The following MRPL48 variants were observed in gnomAD, a reference collection of about 807,000 sequenced individuals.
MRPL48 encodes the protein large ribosomal subunit protein mL48.
Under a neutral mutation model 32.9 loss-of-function variants are expected in MRPL48, and 16 were observed. The observed-to-expected ratio is 0.49, with a 90% CI of 0.33 to 0.74. The LOEUF is 0.74. MRPL48 is among the 30% of genes least tolerant of loss of function. The probability of loss-of-function intolerance (pLI) is 0.02; values close to 1 mark genes in which losing one functional copy is unlikely to be tolerated. For missense variants in MRPL48, 206 were observed against 245.3 expected (o/e 0.84, Z 1.07); for synonymous variants, 94 against 89.2 (o/e 1.05, Z -0.31).
At chr11:73,840,313 A>G (rs1234217383) in intron 4 of MRPL48, among the ~76,000 whole-genome samples, 1 of 152,078 alleles carries the variant, frequency 6.6e-6, no homozygotes, top group African/African-American at 2.4e-5. Context: ...TGCAACGTGG[A>G]AAAACCTTGT....
At chr11:73,861,107 G>C (rs1948578344) in intron 6 of MRPL48, among the ~76,000 whole-genome samples, 1 of 152,072 alleles carries the variant, frequency 6.6e-6, no homozygotes, top group Non-Finnish European at 1.5e-5. Flanking sequence ...GAACATATCA[G>C]CAAGGTAATA....
chr11:73,797,577 C>T lies in MRPL48; in HGVS notation c.22-7450C>T, dbSNP rs114591149. ...AAAGCTGCTTGTGGTGCACCTGGTC[C>T]GGCCTCGCAGAGAGCCAGTGCCTGT... On this transcript the variant is annotated intron_variant, in intron 1 of 7. Coordinates refer to ENST00000310614, the MANE Select transcript of MRPL48 (RefSeq NM_016055.6). Among the ~76,000 whole-genome samples, 1,460 of 152,326 alleles carry T rather than the reference C, an allele frequency of 9.6e-3. 14 individuals carry two copies. Among genetic ancestry groups the T allele is most frequent in the African/African-American group, 0.027 (1,136 of 41,584 alleles).
At chr11:73,796,945 T>C (rs918320662) in intron 1 of MRPL48, among the ~76,000 whole-genome samples, 3 of 152,124 alleles carry the variant, frequency 2.0e-5, no homozygotes, top group Admixed American at 2.0e-4. Context: ...TGGGCGCCTG[T>C]AATCCCAGCT....
At chr11:73,807,537 C>A (rs976990577) in intron 2 of MRPL48, among the ~76,000 whole-genome samples, 17 of 151,504 alleles carry the variant, frequency 1.1e-4, no homozygotes, top group African/African-American at 3.9e-4. Context: ...ACAAAAAACA[C>A]TACAAGGCAA....
chr11:73,811,416 A>C (rs1334572566), intron 3 of MRPL48, among the ~76,000 whole-genome samples: 1 of 151,820 alleles, frequency 6.6e-6, no homozygotes. Context: ...ATTGGCAGGA[A>C]CTGAAGAGAG....
intron 5 of MRPL48, among the ~76,000 whole-genome samples, chr11:73,855,036 C>T (rs1948462348): frequency 6.6e-6 from 1 of 151,996 alleles, no homozygotes; most frequent in South Asian, 2.1e-4. Context: ...ATTAAGGGAG[C>T]TATTATATAT....
intron 3 of MRPL48, among the ~76,000 whole-genome samples, chr11:73,822,165 A>G (rs1947795947): frequency 6.6e-6 from 1 of 152,092 alleles, no homozygotes; most frequent in Non-Finnish European, 1.5e-5. Flanking sequence ...TACCTTGGTT[A>G]TATTCTGTGC....
intron 4 of MRPL48, among the ~76,000 whole-genome samples, chr11:73,844,359 A>T (rs2135052952): frequency 6.6e-6 from 1 of 152,148 alleles, no homozygotes; most frequent in South Asian, 2.1e-4. Flanking sequence ...TGAACTGGGG[A>T]GGAAGAGGTT....
At chr11:73,843,161 GGT>G (rs1948222916) in intron 4 of MRPL48, 1 of 151,728 alleles carries the variant, frequency 6.6e-6, no homozygotes, top group Non-Finnish European at 1.5e-5. Context: ...TTTCGGTTGA[GGT>G]GCTTTCTTCT....
At chr11:73,826,713 C>G (rs1433928062) in intron 4 of MRPL48, among the ~76,000 whole-genome samples, 2 of 151,752 alleles carry the variant, frequency 1.3e-5, no homozygotes, top group Non-Finnish European at 2.9e-5. Context: ...CTCCTGACCC[C>G]AAGTGATCTG....
chr11:73,828,746 A>G (rs1021666681), intron 4 of MRPL48, among the ~76,000 whole-genome samples: 1 of 149,114 alleles, frequency 6.7e-6, no homozygotes, highest in Non-Finnish European at 1.5e-5. Flanking sequence ...ATTTTGAGAC[A>G]TCCCCCTTCT....
In MRPL48 at chr11:73,863,174, C is replaced by T; in HGVS notation, c.477C>T (p.Ile159=). 4.4e-6 allele frequency: 7 copies of T among 1,579,936 alleles called. No individual in the cohort carries two copies. The highest frequency in any genetic ancestry group is 6.0e-6 in the Non-Finnish European group (7 of 1,162,756). The part of the protein sequence containing the change: ...VLTTHERVVQ[I]SGLSATFAEI... Reference sequence around the variant, plus strand: ...GAGCACCTTCTTTCATTTTGCAGATCAGCGGTTTGAGTGCTACGTTTGCAG... The same window carrying T: ...GAGCACCTTCTTTCATTTTGCAGATTAGCGGTTTGAGTGCTACGTTTGCAG... The change falls in exon 7 of 8, where the codon ATC becomes ATT. Residue 159 remains isoleucine (I), a splice_region_variant and synonymous_variant. Coordinates refer to ENST00000310614, the MANE Select transcript of MRPL48 (RefSeq NM_016055.6).
At chr11:73,861,308 G>T (rs191397356) in intron 6 of MRPL48, among the ~76,000 whole-genome samples, 26 of 152,180 alleles carry the variant, frequency 1.7e-4, no homozygotes, top group Admixed American at 1.1e-3. Flanking sequence ...TTCTCCTCCT[G>T]CTTTTCCTCT....
intron 5 of MRPL48, among the ~76,000 whole-genome samples, chr11:73,854,339 C>T (rs1386153958): frequency 2.6e-5 from 4 of 151,850 alleles, no homozygotes; most frequent in South Asian, 2.1e-4. Context: ...GCTGGAGTGC[C>T]GTGGCACGAT....
At chr11:73,825,627 C>G in intron 3 of MRPL48, 81 bp from the exon 4 acceptor site, 2 of 1,250,328 alleles carry the variant, frequency 1.6e-6, no homozygotes, top group Non-Finnish European at 2.2e-6. Context: ...GCTTGGGTGA[C>G]AGAGCAAGAC....
At chr11:73,860,117 T>C in intron 6 of MRPL48, 108 bp downstream of exon 6, 1 of 928,908 alleles carries the variant, frequency 1.1e-6, no homozygotes, top group Non-Finnish European at 1.6e-6. Flanking sequence ...TGAATAATAG[T>C]GTTCTCCAGG....
chr11:73,802,147 C>G (rs993725191), intron 1 of MRPL48: 3 of 152,204 alleles, frequency 2.0e-5, no homozygotes, highest in African/African-American at 4.8e-5. Flanking sequence ...AAGGATTTCT[C>G]TTAGCCATCT....
At chr11:73,842,142 G>A (rs933874076) in intron 4 of MRPL48, 4 of 152,106 alleles carry the variant, frequency 2.6e-5, no homozygotes, top group African/African-American at 9.7e-5. Flanking sequence ...GCAGAGCTGG[G>A]ATTTTGCCAT....
intron 3 of MRPL48, among the ~76,000 whole-genome samples, chr11:73,814,821 C>T: frequency 6.6e-6 from 1 of 151,846 alleles, no homozygotes. Context: ...TGGTGAAACC[C>T]TGTCTCTACT....
Sources: gnomAD v4.1 joint callset for allele counts (sites outside exome capture counted in the v4.1 genomes callset) on GRCh38, gnomAD v4.1.1 for gene constraint, MANE v1.5 for transcripts, NCBI Gene and HGNC (gene_info 2026-07-23, HGNC 2026-07-21) for gene names.